The following WASL variants were observed in gnomAD, a reference collection of about 807,000 sequenced individuals.
WASL encodes the protein WASP like actin nucleation promoting factor, also known as actin nucleation-promoting factor WASL.
Under a neutral mutation model 55.5 loss-of-function variants are expected in WASL, and 20 were observed. That is an observed-to-expected ratio of 0.36 (90% confidence interval 0.25 to 0.52). The LOEUF is 0.52. Among genes scored for constraint, WASL ranks in the 20% least tolerant of loss-of-function variants. WASL has a pLI of 0.92. For missense variants in WASL, 504 were observed against 622.5 expected, an observed-to-expected ratio of 0.81 and a Z score of 2.03; for synonymous variants, 249 against 217.6, an observed-to-expected ratio of 1.14 and a Z score of -1.27.
chr7:123,738,852 G>GT (rs749995962), intron 1 of WASL, among the ~76,000 whole-genome samples: 5 of 151,778 alleles, frequency 3.3e-5, no homozygotes, highest in Non-Finnish European at 5.9e-5. Context: ...ACAAAATACG[G>GT]TAACACCAAT....
chr7:123,747,289 G>C (rs752184611), intron 1 of WASL, among the ~76,000 whole-genome samples: 6 of 152,116 alleles, frequency 3.9e-5, no homozygotes, highest in Non-Finnish European at 8.8e-5. Flanking sequence ...TGAATGGGGA[G>C]GGGCTTAAAG....
At chr7:123,703,632 T>C (rs1002534652) in intron 5 of WASL, among the ~76,000 whole-genome samples, 2 of 152,180 alleles carry the variant, frequency 1.3e-5, no homozygotes, top group Non-Finnish European at 2.9e-5. Context: ...CAGAATTTAA[T>C]ACAGCAACAT....
intron 1 of WASL, among the ~76,000 whole-genome samples, chr7:123,734,264 G>A (rs1357668884): frequency 1.3e-5 from 2 of 152,082 alleles, no homozygotes. Flanking sequence ...TTCTGAAATA[G>A]ATAAGGAACT....
At chr7:123,728,601 G>A (rs912011907) in intron 1 of WASL, among the ~76,000 whole-genome samples, 5 of 152,158 alleles carry the variant, frequency 3.3e-5, no homozygotes, top group African/African-American at 1.2e-4. Context: ...CAGCACTTTG[G>A]GAGGCCGAGG....
At chr7:123,741,742 T>G (rs1267517503) in intron 1 of WASL, among the ~76,000 whole-genome samples, 4 of 152,170 alleles carry the variant, frequency 2.6e-5, no homozygotes, top group Non-Finnish European at 4.4e-5. Flanking sequence ...AGTTTTGCTC[T>G]TACCAGTTTT....
At position 123,692,804 on chromosome 7, in the gene WASL, G is replaced by C; in HGVS notation, c.890C>G (p.Ser297Ter). The C allele has an allele frequency of 6.9e-7, 1 of 1,448,372 alleles. No homozygotes were observed. Among genetic ancestry groups the C allele is most frequent in the Non-Finnish European group, 9.1e-7 (1 of 1,099,196 alleles). 89.7% of individuals were successfully genotyped at this position (1,448,372 alleles called of 1,614,324 possible). ...CCTAGCAGGAGGAGGAGGAGGACCT[G>C]AGTTGTGTGGAGGGGGAGGAGGAGG... ...PPPPPPPPHN[S>*]GPPPPPARGR... The change falls in exon 9 of 11, where the codon TCA (serine) becomes TGA (stop). Residue 297 changes from serine to a stop codon, truncating the protein, a stop_gained. Coordinates refer to ENST00000223023, the MANE Select transcript of WASL (RefSeq NM_003941.4). LOFTEE classifies it high-confidence loss of function.
At chr7:123,741,854 CT>C (rs1297380918) in intron 1 of WASL, among the ~76,000 whole-genome samples, 1 of 152,196 alleles carries the variant, frequency 6.6e-6, no homozygotes, top group Non-Finnish European at 1.5e-5. Context: ...CTCCTCTGTA[CT>C]TTGGCCAACG....
chr7:123,743,408 G>C (rs1045178107), intron 1 of WASL, among the ~76,000 whole-genome samples: 1 of 151,618 alleles, frequency 6.6e-6, no homozygotes, highest in Non-Finnish European at 1.5e-5. Flanking sequence ...TAAAATTCAG[G>C]AACTCCTAAC....
At position 123,709,281 on chromosome 7, in the gene WASL, C is replaced by A. The variant is rs1483176215; in HGVS notation, c.118-58G>T. Reference sequence around the variant, plus strand: ...CAAAATAATATGTAGATGATCATAGCCCCTGCTGACAGCTTGACCGCAACC... The same window carrying A: ...CAAAATAATATGTAGATGATCATAGACCCTGCTGACAGCTTGACCGCAACC... On this transcript the variant is annotated intron_variant, in intron 1 of 10. Transcript: ENST00000223023. 2.8e-6 allele frequency: 4 copies of A among 1,451,914 alleles called. No homozygotes were observed. In the Admixed American group the frequency reaches 6.5e-5, roughly 24 times the overall value. The allele number at this position is 1,451,914 out of a possible 1,614,324, so 89.9% of individuals were successfully genotyped here. A position where few individuals can be genotyped will look rare whatever the true frequency, so the allele number is the denominator to read the frequency against.
chr7:123,696,523 G>A (rs928571894), intron 6 of WASL, 56 bp downstream of exon 6: 3 of 1,413,908 alleles, frequency 2.1e-6, no homozygotes, highest in Middle Eastern at 3.9e-4. Flanking sequence ...TAAAAATCAA[G>A]AACAGCAATG....
Position 123,692,472 on chromosome 7 carries a change from C to G in WASL, c.1222G>C (p.Ala408Pro), listed in dbSNP as rs776831908. The change falls in exon 9 of 11, where the codon GCT becomes CCT. Residue 408 changes from alanine (A) to proline (P), a missense_variant. Ala to Pro is a conservative substitution (Grantham distance 27). Around this residue, in one of 5 missense-constraint regions of WASL, gnomAD observed 201 missense variants for 206.2 expected, o/e 0.97. Transcript: ENST00000223023. ...QVPTTAGNKA[A>P]LLDQIREGAQ... ...CCCTCTCTAATTTGATCTAAAAGAG[C>G]TGCTTTGTTTCCTGCAGTAGTTGGA... 1.9e-6 allele frequency: 3 copies of G among 1,614,106 alleles called. No homozygotes were observed. Among genetic ancestry groups the G allele is most frequent in the African/African-American group, 2.7e-5 (2 of 75,006 alleles).
chr7:123,690,244 A>AT (rs935443231), intron 9 of WASL, among the ~76,000 whole-genome samples: 5 of 152,200 alleles, frequency 3.3e-5, no homozygotes, highest in Admixed American at 3.3e-4. Flanking sequence ...CATCAAACAC[A>AT]TTTTTTGAAG....
intron 10 of WASL, among the ~76,000 whole-genome samples, chr7:123,688,833 C>T (rs1306733609): frequency 6.6e-6 from 1 of 152,134 alleles, no homozygotes; most frequent in Non-Finnish European, 1.5e-5. Flanking sequence ...GGTGGTGTTG[C>T]ATTTGTTAAG....
At chr7:123,748,025 G>A (rs918379548) in intron 1 of WASL, among the ~76,000 whole-genome samples, 1 of 151,948 alleles carries the variant, frequency 6.6e-6, no homozygotes, top group South Asian at 2.1e-4. Context: ...CCAGGCCTAG[G>A]CAAGGTTGCT....
At chr7:123,721,657 G>A (rs1803945755) in intron 1 of WASL, among the ~76,000 whole-genome samples, 1 of 152,118 alleles carries the variant, frequency 6.6e-6, no homozygotes, top group South Asian at 2.1e-4. Flanking sequence ...TGGGTGTGGT[G>A]GCTCACATCT....
In WASL at chr7:123,720,070, T is replaced by C. The variant is rs1313342462; in HGVS notation, c.118-10847A>G. Among the ~76,000 whole-genome samples, 4 of 152,176 alleles carry C rather than the reference T, an allele frequency of 2.6e-5. No individual in the cohort carries two copies. The East Asian group carries it at 7.7e-4, about 29-fold the overall frequency. ...TTCTATACTCACCTAGCACAAAATA[T>C]ATGGTTACCCCCAAACCTGTTTCCC... On this transcript the variant is annotated intron_variant, in intron 1 of 10. Transcript: ENST00000223023.
intron 10 of WASL, among the ~76,000 whole-genome samples, chr7:123,687,843 T>A (rs1331647021): frequency 6.6e-6 from 1 of 152,138 alleles, no homozygotes; most frequent in African/African-American, 2.4e-5. Context: ...ATATGCCTAT[T>A]TAAGGAAAAC....
chr7:123,682,205 G>A lies in WASL; in HGVS notation c.*2314C>T, dbSNP rs1180913031. The stretch of plus-strand genomic sequence containing the variant: ...AGGCTACCAGACGACCATTTAGCTG[G>A]AGAATATACGGAAGGCTTTCAGACA... On this transcript the variant is annotated 3_prime_UTR_variant, in exon 11 of 11. Coordinates refer to ENST00000223023, the MANE Select transcript of WASL (RefSeq NM_003941.4). 1.3e-5 allele frequency: 2 copies of A among 152,092 alleles called. No homozygotes were observed. Among genetic ancestry groups the A allele is most frequent in the South Asian group, 2.1e-4 (1 of 4,830 alleles). 9.4% of individuals were successfully genotyped at this position (152,092 alleles called of 1,614,324 possible). A position where few individuals can be genotyped will look rare whatever the true frequency, so the allele number is the denominator to read the frequency against.
chr7:123,687,496 G>C (rs1359354432), intron 10 of WASL, among the ~76,000 whole-genome samples: 1 of 152,008 alleles, frequency 6.6e-6, no homozygotes, highest in Non-Finnish European at 1.5e-5. Flanking sequence ...ACTTTCCCTA[G>C]TTTTCTACAT....
Sources: gnomAD v4.1 joint callset for allele counts (sites outside exome capture counted in the v4.1 genomes callset) on GRCh38, gnomAD v4.1.1 for gene constraint, gnomAD v4.1.1 regional missense constraint, MANE v1.5 for transcripts, NCBI Gene and HGNC (gene_info 2026-07-23, HGNC 2026-07-21) for gene names.